GRIK3: variants seen among roughly 807,000 people sequenced by gnomAD.
The protein encoded by GRIK3 is glutamate ionotropic receptor kainate type subunit 3, also known as glutamate receptor ionotropic, kainate 3.
GRIK3 carries 29 observed loss-of-function variants against 102.5 expected under a neutral mutation model. That is an observed-to-expected ratio of 0.28 (90% CI 0.21 to 0.39). GRIK3 has a LOEUF of 0.39. GRIK3 is among the 10% of genes least tolerant of loss of function. GRIK3 has a pLI of 1.00. For missense variants in GRIK3, 908 were observed against 1,252.4 expected (o/e 0.73, Z 4.15); for synonymous variants, 511 against 504.9 (o/e 1.01, Z -0.16).
Position 36,806,305 on chromosome 1 carries a change from C to A in GRIK3, c.2113G>T (p.Glu705Ter). ...CTGCTCATGAAGGCCCACATCTTCT[C>A]GAAGGTGGAGATCTTGGATTTCTGG... ...FFKKSKISTF[E>*]KMWAFMSSKP... Residue 705 changes from glutamate to a stop codon, truncating the protein, a stop_gained, in exon 14 of 16, where the codon GAG becomes TAG. Transcript: ENST00000373091. LOFTEE classifies it high-confidence loss of function. The surrounding 1 kb of genome is among the most constrained non-coding windows in gnomAD (Gnocchi z 4.0). 1 of 1,613,564 alleles carries A rather than the reference C, an allele frequency of 6.2e-7. No homozygotes were observed.
intron 1 of GRIK3, among the ~76,000 whole-genome samples, chr1:36,997,136 C>A (rs143558494): frequency 6.6e-6 from 1 of 152,156 alleles, no homozygotes; most frequent in South Asian, 2.1e-4. Flanking sequence ...CTAGGAGCTC[C>A]ACCTCCAAGG....
At chr1:36,976,469 T>C (rs1392813220) in intron 1 of GRIK3, among the ~76,000 whole-genome samples, 2 of 152,220 alleles carry the variant, frequency 1.3e-5, no homozygotes, top group South Asian at 2.1e-4. Context: ...ATAAGCCAAT[T>C]GGGCAGGGTC....
chr1:37,013,623 T>C lies in GRIK3; in HGVS notation c.115+20371A>G, dbSNP rs181200587. On this transcript the variant is annotated intron_variant, in intron 1 of 15. Coordinates refer to ENST00000373091, the MANE Select transcript of GRIK3 (RefSeq NM_000831.4). ...GCCCCTCCGCTGCCGAGAGCTCTGC[T>C]TCTTAGCCGTGCAATGCTGGATCCT... Among the ~76,000 whole-genome samples, 10 of 152,340 alleles carry C rather than the reference T, an allele frequency of 6.6e-5. No individual in the cohort carries two copies. The East Asian group carries it at 1.9e-3, about 29-fold the overall frequency.
chr1:36,960,415 T>A (rs978687934), intron 1 of GRIK3, among the ~76,000 whole-genome samples: 1 of 152,238 alleles, frequency 6.6e-6, no homozygotes, highest in Non-Finnish European at 1.5e-5. Flanking sequence ...TTTAACGCAG[T>A]ACTTGGCACC....
chr1:36,989,581 C>G (rs1642343172), intron 1 of GRIK3, among the ~76,000 whole-genome samples: 1 of 152,218 alleles, frequency 6.6e-6, no homozygotes, highest in Admixed American at 6.5e-5. Flanking sequence ...GAGCTGTCAG[C>G]AAAATGGCCC....
chr1:36,835,859 T>C (rs1333535398), intron 10 of GRIK3, among the ~76,000 whole-genome samples: 2 of 152,144 alleles, frequency 1.3e-5, no homozygotes. Context: ...CACTGAATTC[T>C]GGAGCTGACA....
intron 1 of GRIK3, among the ~76,000 whole-genome samples, chr1:36,958,837 T>C (rs868688365): frequency 5.4e-4 from 38 of 70,516 alleles, no homozygotes; most frequent in Non-Finnish European, 6.7e-4. Flanking sequence ...AGTCTGTGCC[T>C]TGTGACTCTG....
At chr1:37,008,002 A>G (rs1381189334) in intron 1 of GRIK3, among the ~76,000 whole-genome samples, 3 of 152,212 alleles carry the variant, frequency 2.0e-5, no homozygotes, top group Admixed American at 6.5e-5. Flanking sequence ...GAGTAGAGTC[A>G]TTGCTGCAAA....
intron 1 of GRIK3, among the ~76,000 whole-genome samples, chr1:36,899,097 C>T (rs1469150288): frequency 6.6e-6 from 1 of 152,028 alleles, no homozygotes; most frequent in African/African-American, 2.4e-5. Flanking sequence ...AAACATAGAA[C>T]AAAGGCTTCA....
At chr1:37,010,553 T>G (rs977752831) in intron 1 of GRIK3, among the ~76,000 whole-genome samples, 30 of 152,036 alleles carry the variant, frequency 2.0e-4, no homozygotes, top group Admixed American at 1.7e-3. Flanking sequence ...GGGGGTGCTA[T>G]TCATAATTAC....
chr1:36,851,779 C>T lies in GRIK3; in HGVS notation c.1213-1355G>A, dbSNP rs149497295. Among the ~76,000 whole-genome samples, 602 of 152,306 alleles carry T rather than the reference C, an allele frequency of 4.0e-3. 2 individuals are homozygous for T. Among genetic ancestry groups the T allele is most frequent in the African/African-American group, 0.013 (545 of 41,562 alleles). On this transcript the variant is annotated intron_variant, in intron 8 of 15. Transcript: ENST00000373091. The stretch of plus-strand genomic sequence containing the variant: ...TAGAGTTTTTCTTGAGTATTAGCTA[C>T]GGCCAATTTGAACCAGCTGCCTGGA...
intron 1 of GRIK3, among the ~76,000 whole-genome samples, chr1:37,033,095 G>T (rs1036122184): frequency 6.6e-6 from 1 of 152,178 alleles, no homozygotes; most frequent in Non-Finnish European, 1.5e-5. Flanking sequence ...CAGCCCTGCC[G>T]GTCGTCGGCC....
At position 36,935,904 on chromosome 1, in the gene GRIK3, C is replaced by T. The variant is rs79155686; in HGVS notation, c.116-44808G>A. Among the ~76,000 whole-genome samples, 16 of 152,274 alleles carry T rather than the reference C, an allele frequency of 1.1e-4. No homozygotes were observed. In the East Asian group the frequency reaches 2.5e-3, roughly 24 times the overall value. ...TGATGGTGCGCTTGAAGACTTGCCG[C>T]CCCGACTCCCTCAGATTGCTTTCTG... On this transcript the variant is annotated intron_variant, in intron 1 of 15. Coordinates refer to ENST00000373091, the MANE Select transcript of GRIK3 (RefSeq NM_000831.4).
chr1:36,856,973 G>A (rs1640659750), intron 7 of GRIK3, among the ~76,000 whole-genome samples: 1 of 152,182 alleles, frequency 6.6e-6, no homozygotes, highest in Non-Finnish European at 1.5e-5. Context: ...AACCTGTTCA[G>A]CACCTGCTAC....
chr1:36,803,117 T>A (rs1207573384), intron 15 of GRIK3, among the ~76,000 whole-genome samples: 1 of 151,904 alleles, frequency 6.6e-6, no homozygotes, highest in Non-Finnish European at 1.5e-5. Context: ...AGGAAGAGAA[T>A]CAAGCAGTGA....
chr1:36,988,017 A>G (rs1177308536), intron 1 of GRIK3, among the ~76,000 whole-genome samples: 1 of 151,706 alleles, frequency 6.6e-6, no homozygotes, highest in Non-Finnish European at 1.5e-5. Context: ...GAGGCCGAGT[A>G]TGGTGGCTCA....
chr1:36,861,590 GC>G (rs1021551135), intron 5 of GRIK3, among the ~76,000 whole-genome samples: 6 of 152,194 alleles, frequency 3.9e-5, no homozygotes, highest in African/African-American at 1.2e-4. Context: ...GAGTGATAAA[GC>G]CTAGAGACCT....
intron 1 of GRIK3, among the ~76,000 whole-genome samples, chr1:36,959,218 T>C (rs1404378623): frequency 3.0e-5 from 4 of 131,688 alleles, no homozygotes; most frequent in African/African-American, 5.3e-5. Flanking sequence ...TGTGAACCTG[T>C]GTGCCCCATG....
chr1:36,819,979 G>A lies in GRIK3; in HGVS notation c.1755-125C>T, dbSNP rs1245253276. 1.3e-5 allele frequency: 8 copies of A among 625,480 alleles called. No homozygotes were observed. The highest frequency in any genetic ancestry group is 2.1e-5 in the Non-Finnish European group (7 of 338,644). 38.7% of individuals were successfully genotyped at this position (625,480 alleles called of 1,614,324 possible). A position where few individuals can be genotyped will look rare whatever the true frequency, so the allele number is the denominator to read the frequency against. On this transcript the variant is annotated intron_variant, in intron 11 of 15. Transcript: ENST00000373091. The surrounding 1 kb of genome is among the most constrained non-coding windows in gnomAD (Gnocchi z 4.1). ...CGTCAATATCCTCATGGTTCTGCTG[G>A]GAGGCAGGGCAGGGGAATTTCTTCT... is the stretch of plus-strand genomic sequence containing the variant.
Sources: allele counts gnomAD v4.1 joint callset (sites outside exome capture counted in the v4.1 genomes callset), GRCh38; gene constraint gnomAD v4.1.1; non-coding constraint Gnocchi (gnomAD v3.1); transcripts MANE v1.5; gene names NCBI Gene and HGNC (gene_info 2026-07-23, HGNC 2026-07-21).